The following FAM107B variants were observed in gnomAD, a reference collection of about 807,000 sequenced individuals.
FAM107B encodes the protein protein FAM107B.
FAM107B carries 21 observed loss-of-function variants against 31.5 expected under a neutral mutation model. The ratio of observed to expected loss-of-function variants is 0.67; its 90% CI spans 0.47 to 0.96. FAM107B has a LOEUF of 0.96. Among genes scored for constraint, FAM107B ranks in the 40% least tolerant of loss-of-function variants. The pLI, the probability that FAM107B is intolerant of heterozygous loss-of-function variation, is 0.00. For missense variants in FAM107B, 452 were observed against 377.1 expected, an observed-to-expected ratio of 1.20 and a Z score of -1.64; for synonymous variants, 157 against 141.5, an observed-to-expected ratio of 1.11 and a Z score of -0.78.
intron 1 of FAM107B, among the ~76,000 whole-genome samples, chr10:14,715,927 T>G (rs11816229): frequency 0.13 from 19,489 of 152,230 alleles, 1,597 homozygotes; most frequent in African/African-American, 0.23. Context: ...CAGATTGTGG[T>G]ATTTCTTGGC....
chr10:14,588,819 A>G (rs964325096), intron 2 of FAM107B, among the ~76,000 whole-genome samples: 6 of 152,126 alleles, frequency 3.9e-5, no homozygotes, highest in Non-Finnish European at 7.4e-5. Flanking sequence ...AAGGAGGAAG[A>G]AGAGAGAGAA....
At chr10:14,604,166 T>A (rs1292811507) in intron 2 of FAM107B, 1 of 742,824 alleles carries the variant, frequency 1.3e-6, no homozygotes, top group Non-Finnish European at 1.6e-6. Flanking sequence ...GGAGCCGGGG[T>A]CGGGCAGGGC....
chr10:14,648,479 G>A (rs1404616566), intron 2 of FAM107B, among the ~76,000 whole-genome samples: 2 of 152,182 alleles, frequency 1.3e-5, no homozygotes, highest in Admixed American at 6.5e-5. Context: ...TCTCTCTCAG[G>A]CTCCGAGGGG....
intron 1 of FAM107B, among the ~76,000 whole-genome samples, chr10:14,689,084 C>T (rs1039983964): frequency 6.6e-6 from 1 of 152,082 alleles, no homozygotes; most frequent in Admixed American, 6.6e-5. Flanking sequence ...ATACGAGAAC[C>T]AACACATGGA....
chr10:14,754,930 T>C (rs533195206), intron 1 of FAM107B, among the ~76,000 whole-genome samples: 2 of 152,132 alleles, frequency 1.3e-5, no homozygotes, highest in Non-Finnish European at 2.9e-5. Flanking sequence ...CTGGGGAAAA[T>C]GAAAAGTAGT....
chr10:14,677,390 G>A (rs1344001361), intron 1 of FAM107B, among the ~76,000 whole-genome samples: 2 of 152,202 alleles, frequency 1.3e-5, no homozygotes, highest in African/African-American at 2.4e-5. Flanking sequence ...GGGAGGCCGA[G>A]GTGGGCAGAT....
chr10:14,753,555 A>G (rs924206048), intron 1 of FAM107B, among the ~76,000 whole-genome samples: 2 of 152,242 alleles, frequency 1.3e-5, no homozygotes, highest in Non-Finnish European at 2.9e-5. Flanking sequence ...GTTAACTCCC[A>G]AAGTGAAATC....
intron 2 of FAM107B, among the ~76,000 whole-genome samples, chr10:14,650,650 T>C (rs1449864216): frequency 6.6e-6 from 1 of 152,244 alleles, no homozygotes; most frequent in African/African-American, 2.4e-5. Flanking sequence ...TATTGAGCAT[T>C]CTGGTTTAGT....
intron 2 of FAM107B, among the ~76,000 whole-genome samples, chr10:14,665,917 T>C (rs1322206689): frequency 2.0e-5 from 3 of 152,184 alleles, no homozygotes; most frequent in Non-Finnish European, 2.9e-5. Context: ...TTTTTTTTCA[T>C]ATCGCAGAAA....
At chr10:14,746,970 C>T (rs1432905026) in intron 1 of FAM107B, among the ~76,000 whole-genome samples, 1 of 152,158 alleles carries the variant, frequency 6.6e-6, no homozygotes, top group Non-Finnish European at 1.5e-5. Context: ...TCCCATCATT[C>T]TTGGAGGTGT....
chr10:14,583,663 G>A (rs544490518), intron 2 of FAM107B, among the ~76,000 whole-genome samples: 5 of 152,264 alleles, frequency 3.3e-5, no homozygotes, highest in Non-Finnish European at 7.4e-5. Flanking sequence ...AAGAGGCTGG[G>A]CCTAACTAAT....
chr10:14,558,456 G>GT (rs1849907399), intron 2 of FAM107B, among the ~76,000 whole-genome samples: 1 of 152,094 alleles, frequency 6.6e-6, no homozygotes, highest in Non-Finnish European at 1.5e-5. Context: ...CTTTTAAAAG[G>GT]TAACTTATTC....
intron 2 of FAM107B, among the ~76,000 whole-genome samples, chr10:14,570,726 T>C (rs1200150718): frequency 1.3e-5 from 2 of 151,384 alleles, no homozygotes; most frequent in Non-Finnish European, 2.9e-5. Flanking sequence ...CGCTTGAACC[T>C]GGGAGGCAGA....
intron 2 of FAM107B, among the ~76,000 whole-genome samples, chr10:14,609,969 C>T (rs978824000): frequency 2.6e-5 from 4 of 152,180 alleles, no homozygotes; most frequent in Admixed American, 1.3e-4. Context: ...CCACATGGTC[C>T]GTTCAGTGGT....
At chr10:14,568,987 G>T (rs1291796401) in intron 2 of FAM107B, among the ~76,000 whole-genome samples, 3 of 152,188 alleles carry the variant, frequency 2.0e-5, no homozygotes, top group Non-Finnish European at 2.9e-5. Context: ...AACACACTGA[G>T]ATTGCTATTT....
At chr10:14,635,686 C>A (rs1241461147) in intron 2 of FAM107B, among the ~76,000 whole-genome samples, 2 of 152,050 alleles carry the variant, frequency 1.3e-5, no homozygotes, top group Non-Finnish European at 2.9e-5. Flanking sequence ...GGCTGGAGTA[C>A]AGTGGCGTGA....
At chr10:14,598,818 T>G (rs898267193) in intron 2 of FAM107B, among the ~76,000 whole-genome samples, 5 of 152,184 alleles carry the variant, frequency 3.3e-5, no homozygotes, top group Admixed American at 1.3e-4. Flanking sequence ...GTCCCCACCA[T>G]GCATGGGAGG....
intron 1 of FAM107B, among the ~76,000 whole-genome samples, chr10:14,673,723 A>G (rs866138628): frequency 6.6e-5 from 10 of 152,134 alleles, no homozygotes; most frequent in Admixed American, 1.3e-4. Flanking sequence ...ACTGTTTTTC[A>G]TAACGGCTGT....
intron 2 of FAM107B, among the ~76,000 whole-genome samples, chr10:14,540,445 T>TCC (rs1280354939): frequency 1.3e-5 from 2 of 152,144 alleles, no homozygotes; most frequent in Non-Finnish European, 2.9e-5. Context: ...CATCCAGGGC[T>TCC]CCCTCCTTTG....
Sources: allele counts gnomAD v4.1 joint callset (sites outside exome capture counted in the v4.1 genomes callset), GRCh38; gene constraint gnomAD v4.1.1; transcripts MANE v1.5; gene names NCBI Gene and HGNC (gene_info 2026-07-23, HGNC 2026-07-21).